Variants in DNAH5 observed in about 807,000 individuals in gnomAD.
DNAH5 encodes the protein axonemal beta dynein heavy chain 5.
A neutral mutation model predicts 518.2 loss-of-function variants in DNAH5; 372 were observed. The ratio of observed to expected loss-of-function variants is 0.72; its 90% confidence interval spans 0.66 to 0.78. DNAH5 has a LOEUF of 0.78. Among genes scored for constraint, DNAH5 ranks in the 30% least tolerant of loss-of-function variants. DNAH5 has a pLI of 0.00. For missense variants in DNAH5, 5,523 were observed against 5,687.0 expected (o/e 0.97, Z 0.93); for synonymous variants, 2,039 against 2,025.9 (o/e 1.01, Z -0.17).
At chr5:13,935,297 C>A (rs1778820185) in intron 1 of DNAH5, among the ~76,000 whole-genome samples, 1 of 151,972 alleles carries the variant, frequency 6.6e-6, no homozygotes. Context: ...GTTTCTGATT[C>A]CAGAGAAAAA....
chr5:13,920,390 A>C, intron 6 of DNAH5, 90 bp downstream of exon 6: 2 of 1,557,426 alleles, frequency 1.3e-6, no homozygotes, highest in Non-Finnish European at 1.8e-6. Flanking sequence ...AACGCTTAAC[A>C]AATGGAATGT....
intron 74 of DNAH5, among the ~76,000 whole-genome samples, chr5:13,715,873 T>C (rs1443282929): frequency 6.6e-6 from 1 of 152,234 alleles, no homozygotes; most frequent in Non-Finnish European, 1.5e-5. Context: ...TATGGGGTTG[T>C]TATTGGCATC....
intron 24 of DNAH5, 33 bp from the exon 25 acceptor site, chr5:13,868,025 C>A: frequency 6.8e-7 from 1 of 1,478,330 alleles, no homozygotes; most frequent in African/African-American, 1.4e-5. Flanking sequence ...TAATTTTGGC[C>A]AGTCAGATGC....
chr5:13,997,242 C>A lies in DNAH5; in HGVS notation c.12+14406G>T, dbSNP rs142042491. On this transcript the variant is annotated intron_variant, in intron 1 of 78. Transcript: ENST00000681290. ...TATAAATTCCATTTTTAATTTATTT[C>A]TCTCTTTTCATATTTTATTATAAGA... Among the ~76,000 whole-genome samples, 291 of 152,300 alleles carry A rather than the reference C, an allele frequency of 1.9e-3. 3 individuals carry two copies. The highest frequency in any genetic ancestry group is 0.015 in the South Asian group (74 of 4,824).
rs267600366 is a variant in DNAH5, at chr5:13,829,623, G to C, written c.6331C>G (p.Arg2111Gly). Reference protein sequence around the residue: ...FRSVAMMVPDRQIIIRVKLAS... With the variant: ...FRSVAMMVPDGQIIIRVKLAS... The stretch of plus-strand genomic sequence containing the variant: ...AACTTCACCCTTATGATAATCTGAC[G>C]GTCAGGCACCATCATGGCCACTGAG... Residue 2111 changes from arginine (R) to glycine (G), a missense_variant, in exon 38 of 79, where the codon CGT becomes GGT. Arg to Gly is a moderately radical substitution (Grantham distance 125). Transcript: ENST00000265104. 1 of 1,614,152 alleles carries C rather than the reference G, an allele frequency of 6.2e-7. No individual in the cohort carries two copies. Among genetic ancestry groups the C allele is most frequent in the Admixed American group, 1.7e-5 (1 of 60,018 alleles).
chr5:13,996,046 T>C (rs1783916757), intron 1 of DNAH5, among the ~76,000 whole-genome samples: 1 of 152,182 alleles, frequency 6.6e-6, no homozygotes, highest in Non-Finnish European at 1.5e-5. Context: ...TTATCAGAAA[T>C]AGCCTTGACG....
rs1306261256 is a variant in DNAH5, at chr5:13,700,752, G to C, written c.13611C>G (p.Gly4537=). ...APPTEGVYVY[G]LYLEGAGWDK... is the part of the protein sequence containing the mutation. ...CCCAGCCAGCACCTTCAAGATATAAGCCATAGACATAGACACCCTCTGTGG... is the reference window on the plus strand; with the variant it reads ...CCCAGCCAGCACCTTCAAGATATAACCCATAGACATAGACACCCTCTGTGG... Residue 4537 remains glycine, a synonymous_variant, in exon 78 of 79, where the codon GGC becomes GGG. Coordinates refer to ENST00000265104, the MANE Select transcript of DNAH5 (RefSeq NM_001369.3). 1.9e-6 allele frequency: 3 copies of C among 1,614,090 alleles called. No homozygotes were observed. Among genetic ancestry groups the C allele is most frequent in the South Asian group, 1.1e-5 (1 of 91,074 alleles).
chr5:13,812,648 A>G (rs1407708165), intron 43 of DNAH5, among the ~76,000 whole-genome samples: 1 of 152,196 alleles, frequency 6.6e-6, no homozygotes, highest in Non-Finnish European at 1.5e-5. Context: ...TACTACAATT[A>G]GTTGTTTCTT....
At chr5:13,882,138 A>G (rs1295625114) in intron 21 of DNAH5, among the ~76,000 whole-genome samples, 1 of 152,112 alleles carries the variant, frequency 6.6e-6, no homozygotes, top group Non-Finnish European at 1.5e-5. Context: ...GAACAGACCT[A>G]TAGTAAGAAA....
At chr5:13,911,574 C>G (rs1775998806) in intron 11 of DNAH5, 81 bp from the exon 12 acceptor site, 2 of 1,097,318 alleles carry the variant, frequency 1.8e-6, no homozygotes, top group Non-Finnish European at 1.3e-6. Flanking sequence ...AATGTAGAGC[C>G]TATACAATAA....
chr5:14,009,679 G>C (rs537424711), intron 1 of DNAH5, among the ~76,000 whole-genome samples: 1 of 152,182 alleles, frequency 6.6e-6, no homozygotes, highest in Non-Finnish European at 1.5e-5. Flanking sequence ...TTTGTTTCAC[G>C]ATTGCTGGTC....
chr5:14,006,557 C>T (rs780940310), intron 1 of DNAH5, among the ~76,000 whole-genome samples: 29 of 152,072 alleles, frequency 1.9e-4, no homozygotes, highest in Non-Finnish European at 4.0e-4. Flanking sequence ...ACAAGGACAC[C>T]GATCATATCG....
intron 35 of DNAH5, among the ~76,000 whole-genome samples, chr5:13,836,674 C>CA (rs1764438537): frequency 6.6e-6 from 1 of 152,198 alleles, no homozygotes; most frequent in Non-Finnish European, 1.5e-5. Flanking sequence ...ATGGTCCCCC[C>CA]AAAATACGTT....
intron 59 of DNAH5, among the ~76,000 whole-genome samples, chr5:13,765,335 T>G (rs1752377532): frequency 6.6e-6 from 1 of 152,100 alleles, no homozygotes; most frequent in South Asian, 2.1e-4. Flanking sequence ...TTTGCAACAA[T>G]AAGAATGAAT....
At chr5:13,876,557 C>T (rs2151928677) in intron 22 of DNAH5, 127 bp downstream of exon 22, 3 of 1,152,056 alleles carry the variant, frequency 2.6e-6, no homozygotes, top group South Asian at 3.2e-5. Context: ...TGAGCACATA[C>T]AAGATGCTCC....
At chr5:13,901,079 T>C (rs1774538097) in intron 14 of DNAH5, among the ~76,000 whole-genome samples, 173 bp downstream of exon 14, 1 of 152,170 alleles carries the variant, frequency 6.6e-6, no homozygotes, top group African/African-American at 2.4e-5. Flanking sequence ...TCTTTTCAAA[T>C]CTAATAATTA....
intron 53 of DNAH5, among the ~76,000 whole-genome samples, chr5:13,778,415 G>A (rs185395338): frequency 3.7e-5 from 5 of 133,740 alleles, no homozygotes; most frequent in East Asian, 2.4e-4. Flanking sequence ...AGTGAGATCC[G>A]AGAGATCAGA....
intron 1 of DNAH5, among the ~76,000 whole-genome samples, chr5:13,936,757 C>G (rs1778960635): frequency 1.3e-5 from 2 of 152,054 alleles, no homozygotes; most frequent in South Asian, 4.2e-4. Flanking sequence ...TTTAATTGTA[C>G]AAATGTTTAA....
At chr5:13,748,497 CT>C (rs1296381099) in intron 65 of DNAH5, among the ~76,000 whole-genome samples, 3 of 152,128 alleles carry the variant, frequency 2.0e-5, no homozygotes, top group Non-Finnish European at 2.9e-5. Context: ...GATATTGATT[CT>C]TCCTATCCAT....
Sources: gnomAD v4.1 joint callset for allele counts (sites outside exome capture counted in the v4.1 genomes callset) on GRCh38, gnomAD v4.1.1 for gene constraint, MANE v1.5 for transcripts, NCBI Gene and HGNC (gene_info 2026-07-23, HGNC 2026-07-21) for gene names.